The following ROBO1 variants were observed in gnomAD, a reference collection of about 807,000 sequenced individuals.
The protein encoded by ROBO1 is roundabout guidance receptor 1, also known as roundabout homolog 1.
Under a neutral mutation model 195.9 loss-of-function variants are expected in ROBO1, and 149 were observed. The ratio of observed to expected loss-of-function variants is 0.76; its 90% CI spans 0.67 to 0.87. ROBO1 has a LOEUF of 0.87. Among genes scored for constraint, ROBO1 ranks in the 40% least tolerant of loss-of-function variants. The probability of loss-of-function intolerance (pLI) is 0.00; values close to 1 mark genes in which losing one functional copy is unlikely to be tolerated. For synonymous variants in ROBO1, 816 were observed against 733.2 expected (o/e 1.11, Z -1.82); for missense variants, 1,933 against 2,068.3 (o/e 0.93, Z 1.27).
intron 1 of ROBO1, among the ~76,000 whole-genome samples, chr3:79,757,510 C>CCATATATATATATATATATATATATATAT (rs1704471257): frequency 1.4e-5 from 1 of 70,512 alleles, no homozygotes; most frequent in Admixed American, 1.3e-4. Flanking sequence ...TCTCTCTCTC[C>CCATATATATATATATATATATATATATAT]ATATATATAT....
intron 5 of ROBO1, among the ~76,000 whole-genome samples, chr3:78,723,848 A>G (rs1455870219): frequency 6.6e-6 from 1 of 152,212 alleles, no homozygotes; most frequent in Non-Finnish European, 1.5e-5. Context: ...AAGGGATACA[A>G]TTAGATAATA....
intron 4 of ROBO1, among the ~76,000 whole-genome samples, chr3:78,807,735 T>G (rs1351112855): frequency 6.6e-6 from 1 of 152,188 alleles, no homozygotes; most frequent in African/African-American, 2.4e-5. Context: ...TTTAAACATT[T>G]GTATGCATAC....
At chr3:78,934,794 G>GAC (rs200128007) in intron 4 of ROBO1, among the ~76,000 whole-genome samples, 9 of 151,300 alleles carry the variant, frequency 5.9e-5, no homozygotes, top group East Asian at 1.9e-4. Flanking sequence ...TACACACATA[G>GAC]ACACACACAC....
At chr3:79,678,401 T>G (rs1005947753) in intron 1 of ROBO1, among the ~76,000 whole-genome samples, 1 of 152,044 alleles carries the variant, frequency 6.6e-6, no homozygotes, top group Admixed American at 6.6e-5. Context: ...GCCACTAAAG[T>G]AAGACTCCTT....
At chr3:79,507,244 T>A (rs1940449001) in intron 2 of ROBO1, among the ~76,000 whole-genome samples, 1 of 152,190 alleles carries the variant, frequency 6.6e-6, no homozygotes, top group Non-Finnish European at 1.5e-5. Context: ...GGTTCTTTGA[T>A]AAAAATGTAG....
chr3:79,185,742 T>C lies in ROBO1; in HGVS notation c.89-60203A>G, dbSNP rs181924646. 9.9e-5 allele frequency among the ~76,000 whole-genome samples: 15 copies of C among 152,228 alleles called. No individual in the cohort carries two copies. In the East Asian group the frequency reaches 1.2e-3, roughly 12 times the overall value. The stretch of plus-strand genomic sequence containing the variant: ...GTTCCATTTAAAACCATCTGGCCTT[T>C]TAGGTTGGCCATCTTGGAGAAGCCA... On this transcript the variant is annotated intron_variant, in intron 2 of 30. Coordinates refer to ENST00000464233, the MANE Select transcript of ROBO1 (RefSeq NM_002941.4).
intron 2 of ROBO1, among the ~76,000 whole-genome samples, chr3:79,197,659 T>C (rs946631489): frequency 6.6e-6 from 1 of 152,130 alleles, no homozygotes; most frequent in Non-Finnish European, 1.5e-5. Context: ...ACACCAACAA[T>C]GTACAAGTGT....
chr3:79,440,990 C>T (rs2039036471), intron 2 of ROBO1, among the ~76,000 whole-genome samples: 1 of 152,062 alleles, frequency 6.6e-6, no homozygotes, highest in Non-Finnish European at 1.5e-5. Context: ...ACATTAATAT[C>T]AAGTTAAAGT....
chr3:78,754,303 T>C (rs373851299), intron 4 of ROBO1, among the ~76,000 whole-genome samples: 2 of 152,080 alleles, frequency 1.3e-5, no homozygotes, highest in African/African-American at 4.8e-5. Flanking sequence ...GGTTTTAAAG[T>C]GCCAGAGCAA....
At chr3:79,746,606 G>A (rs940780965) in intron 1 of ROBO1, among the ~76,000 whole-genome samples, 4 of 151,906 alleles carry the variant, frequency 2.6e-5, no homozygotes, top group Admixed American at 6.6e-5. Flanking sequence ...CCATTTCAGG[G>A]CCTCTGGTTT....
In ROBO1 at chr3:79,588,794, A is replaced by G. The variant is rs72905977; in HGVS notation, c.88+1030T>C. Among the ~76,000 whole-genome samples the G allele has an allele frequency of 6.6e-3, 1,003 of 151,848 alleles. 9 individuals are homozygous for G. Among genetic ancestry groups the G allele is most frequent in the African/African-American group, 0.023 (946 of 41,536 alleles). ...AAATGTATTTTATTACAACAGACTT[A>G]AAGTTTCTGTATTCTTCAATCATGT... On this transcript the variant is annotated intron_variant, in intron 2 of 30. Coordinates refer to ENST00000464233, the MANE Select transcript of ROBO1 (RefSeq NM_002941.4).
intron 2 of ROBO1, among the ~76,000 whole-genome samples, chr3:79,422,182 A>G (rs1222621736): frequency 6.8e-6 from 1 of 148,080 alleles, no homozygotes; most frequent in African/African-American, 2.4e-5. Flanking sequence ...TGTATTATAT[A>G]TTATATTATA....
rs138259880 is a variant in ROBO1 at position 79,355,152 on chromosome 3, C to T, written c.89-229613G>A. ...CTGCATTCCAGCCTGGGTAACAGAG[C>T]AAGACTCGGTCTCAAAAACAAACAA... On this transcript the variant is annotated intron_variant, in intron 2 of 30. Transcript: ENST00000464233. 6.9e-3 allele frequency among the ~76,000 whole-genome samples: 1,037 copies of T among 151,254 alleles called. 16 individuals are homozygous for T. Among genetic ancestry groups the T allele is most frequent in the African/African-American group, 0.024 (987 of 41,162 alleles).
In ROBO1 at chr3:79,146,205, C is replaced by T. The variant is rs565751199; in HGVS notation, c.89-20666G>A. Among the ~76,000 whole-genome samples the T allele has an allele frequency of 1.6e-4, 24 of 151,996 alleles. No individual in the cohort carries two copies. The South Asian group carries it at 5.0e-3, about 32-fold the overall frequency. On this transcript the variant is annotated intron_variant, in intron 2 of 30. Transcript: ENST00000464233. The stretch of plus-strand genomic sequence containing the variant: ...ATTACGTCACAGAGCTTGGAATTGG[C>T]CCCACCCACACTTCTGAGGTTCACC...
At chr3:79,567,298 T>C (rs1297025791) in intron 2 of ROBO1, among the ~76,000 whole-genome samples, 3 of 152,128 alleles carry the variant, frequency 2.0e-5, no homozygotes, top group Admixed American at 6.6e-5. Flanking sequence ...CTAGGCTTAA[T>C]ACCTGGGTGA....
In ROBO1 at chr3:79,256,732, C is replaced by A. The variant is rs574026674; in HGVS notation, c.89-131193G>T. Among the ~76,000 whole-genome samples, 211 of 152,172 alleles carry A rather than the reference C, an allele frequency of 1.4e-3. 1 individual carries two copies. The highest frequency in any genetic ancestry group is 4.9e-3 in the African/African-American group (203 of 41,548). ...TAACTTTCTGTGATTAAAGAAAAAA[C>A]TCATGACAACCTACTGATGAAGGTA... is the stretch of plus-strand genomic sequence containing the variant. On this transcript the variant is annotated intron_variant, in intron 2 of 30. Coordinates refer to ENST00000464233, the MANE Select transcript of ROBO1 (RefSeq NM_002941.4).
chr3:78,966,599 G>C (rs9833345), intron 3 of ROBO1, among the ~76,000 whole-genome samples: 24,256 of 152,058 alleles, frequency 0.16, 3,051 homozygotes, highest in African/African-American at 0.35. Flanking sequence ...TAAGTCACTG[G>C]TTTTCTCTAA....
At chr3:78,806,830 CAG>C (rs1028743968) in intron 4 of ROBO1, among the ~76,000 whole-genome samples, 7 of 151,288 alleles carry the variant, frequency 4.6e-5, no homozygotes, top group African/African-American at 1.5e-4. Context: ...TTTCCCGATA[CAG>C]AGTCTCACTC....
In ROBO1 at chr3:79,186,053, G is replaced by A. The variant is rs573659590; in HGVS notation, c.89-60514C>T. 4.6e-5 allele frequency among the ~76,000 whole-genome samples: 7 copies of A among 152,172 alleles called. No homozygotes were observed. The South Asian group carries it at 1.5e-3, about 32-fold the overall frequency. ...TATTTTAATGATGAGGAATACAAGA[G>A]CCAAAGACAGTGAGTGACCTGTGTT... On this transcript the variant is annotated intron_variant, in intron 2 of 30. Coordinates refer to ENST00000464233, the MANE Select transcript of ROBO1 (RefSeq NM_002941.4).
Sources: gnomAD v4.1 joint callset for allele counts (sites outside exome capture counted in the v4.1 genomes callset) on GRCh38, gnomAD v4.1.1 for gene constraint, MANE v1.5 for transcripts, NCBI Gene and HGNC (gene_info 2026-07-23, HGNC 2026-07-21) for gene names.